The following ACAT1 variants were observed in gnomAD, a reference collection of about 807,000 sequenced individuals.
The protein encoded by ACAT1 is acetyl-CoA acetyltransferase 1.
A neutral mutation model predicts 47.3 loss-of-function variants in ACAT1; 28 were observed. That is an observed-to-expected ratio of 0.59 (90% CI 0.44 to 0.81). The LOEUF (loss-of-function observed/expected upper bound fraction) is 0.81, where lower values mean the gene tolerates loss of function less well. ACAT1 is among the 30% of genes least tolerant of loss of function. ACAT1 has a pLI of 0.00. For synonymous variants in ACAT1, 181 were observed against 173.6 expected, an observed-to-expected ratio of 1.04 and a Z score of -0.34; for missense variants, 469 against 524.3, an observed-to-expected ratio of 0.89 and a Z score of 1.03.
At position 108,140,102 on chromosome 11, in the gene ACAT1, T is replaced by C. The variant is rs2077556425; in HGVS notation, c.617T>C (p.Ile206Thr). 6 of 1,614,012 alleles carry C rather than the reference T, an allele frequency of 3.7e-6. No individual in the cohort carries two copies. Among genetic ancestry groups the C allele is most frequent in the Admixed American group, 1.7e-5 (1 of 60,000 alleles). The part of the protein sequence containing the change: ...CAENTAKKLN[I>T]ARNEQDAYAI... Reference sequence around the variant, plus strand: ...GAGAATACAGCAAAGAAGCTGAATATTGCACGAAATGAACAGGACGCTTAT... The same window carrying C: ...GAGAATACAGCAAAGAAGCTGAATACTGCACGAAATGAACAGGACGCTTAT... Residue 206 changes from isoleucine to threonine, a missense_variant, in exon 7 of 12, where the codon ATT becomes ACT. Ile to Thr is a moderately conservative substitution (Grantham distance 89). Coordinates refer to ENST00000265838, the MANE Select transcript of ACAT1 (RefSeq NM_000019.4).
At chr11:108,142,407 T>C in intron 8 of ACAT1, 30 bp from the exon 9 acceptor site, 1 of 1,536,900 alleles carries the variant, frequency 6.5e-7, no homozygotes, top group Non-Finnish European at 9.0e-7. Context: ...TGAAGGAATG[T>C]TTTGACTTCA....
At chr11:108,126,164 G>C (rs1338375757) in intron 1 of ACAT1, among the ~76,000 whole-genome samples, 1 of 151,940 alleles carries the variant, frequency 6.6e-6, no homozygotes, top group African/African-American at 2.4e-5. Flanking sequence ...CCCCACACCT[G>C]GCTAATTTTT....
chr11:108,134,202 T>A lies in ACAT1; in HGVS notation c.239-19T>A, dbSNP rs1299766584. On this transcript the variant is annotated intron_variant, in intron 3 of 11. Coordinates refer to ENST00000265838, the MANE Select transcript of ACAT1 (RefSeq NM_000019.4). ...AATTGAATTAAATGCCTTTTTGACTTTTTTTTTTTTTAATAAAGGGATTCC... is the reference window on the plus strand; with the variant it reads ...AATTGAATTAAATGCCTTTTTGACTATTTTTTTTTTTAATAAAGGGATTCC... 9.0e-7 allele frequency: 1 copy of A among 1,111,726 alleles called. No homozygotes were observed. Among genetic ancestry groups the A allele is most frequent in the East Asian group, 2.7e-5 (1 of 36,404 alleles). The allele number at this position is 1,111,726 out of a possible 1,614,324, so 68.9% of individuals were successfully genotyped here.
chr11:108,139,240 T>C (rs2077532987), intron 6 of ACAT1, 199 bp downstream of exon 6: 3 of 646,498 alleles, frequency 4.6e-6, no homozygotes, highest in Non-Finnish European at 7.9e-6. Flanking sequence ...CACATTTAAA[T>C]AGGGTAATTT....
At chr11:108,117,057 G>A (rs10890813), upstream of ACAT1, among the ~76,000 whole-genome samples, 41,426 of 151,914 alleles carry the variant, frequency 0.27, 6,877 homozygotes, top group Middle Eastern at 0.53. Flanking sequence ...ATAGATTGGG[G>A]TGATGGGCAG....
chr11:108,117,309 C>CTT (rs1161979278), upstream of ACAT1, among the ~76,000 whole-genome samples: 11 of 137,812 alleles, frequency 8.0e-5, no homozygotes, highest in African/African-American at 1.3e-4. Context: ...CTGTCTCTCT[C>CTT]TTTTTTTTTT....
rs1479086721 is a variant in ACAT1, at chr11:108,146,373, A to G, written c.1163+14A>G. ...ACATCCAATTGGGTAGGTAAAAATAATAACTATATCTAGGTTAAGAGCTGC... is the reference window on the plus strand; with the variant it reads ...ACATCCAATTGGGTAGGTAAAAATAGTAACTATATCTAGGTTAAGAGCTGC... On this transcript the variant is annotated intron_variant, in intron 11 of 11. Coordinates refer to ENST00000265838, the MANE Select transcript of ACAT1 (RefSeq NM_000019.4). 3 of 1,613,160 alleles carry G rather than the reference A, an allele frequency of 1.9e-6. No homozygotes were observed. The highest frequency in any genetic ancestry group is 1.1e-5 in the South Asian group (1 of 91,062).
chr11:108,121,842 C>G (rs2077156375), intron 1 of ACAT1, 164 bp downstream of exon 1: 1 of 687,474 alleles, frequency 1.5e-6, no homozygotes, highest in Non-Finnish European at 2.5e-6. Context: ...CCTAAGTGCT[C>G]CGATAACACC....
Position 108,143,972 on chromosome 11 carries a change from T to C in ACAT1, c.941-11T>C. 1 of 684,212 alleles carries C rather than the reference T, an allele frequency of 1.5e-6. No homozygotes were observed. The highest frequency in any genetic ancestry group is 2.5e-6 in the Non-Finnish European group (1 of 399,062). The allele number at this position is 684,212 out of a possible 1,614,324, so 42.4% of individuals were successfully genotyped here. ...GATTTTAACAACCCCCCCCCCCCTT[T>C]TTTTAAACAGCATTTGCTGACGCTG... On this transcript the variant is annotated splice_polypyrimidine_tract_variant and intron_variant, in intron 9 of 11. Transcript: ENST00000265838.
At position 108,140,206 on chromosome 11, in the gene ACAT1, A is replaced by G. The variant is rs752592672; in HGVS notation, c.721A>G (p.Thr241Ala). The G allele has an allele frequency of 9.9e-6, 16 of 1,614,040 alleles. No homozygotes were observed. The highest frequency in any genetic ancestry group is 1.4e-5 in the Non-Finnish European group (16 of 1,180,020). ...FGNEVIPVTV[T>A]VKGQPDVVVK... is the part of the protein sequence containing the mutation. Reference sequence around the variant, plus strand: ...AAATGAAGTTATTCCTGTCACAGTTACAGTAAAAGGTAGAGATAATGTTCC... The same window carrying G: ...AAATGAAGTTATTCCTGTCACAGTTGCAGTAAAAGGTAGAGATAATGTTCC... Residue 241 changes from threonine to alanine, a missense_variant, in exon 7 of 12, where the codon ACA becomes GCA. By Grantham distance (58) the Thr-to-Ala change is moderately conservative. Coordinates refer to ENST00000265838, the MANE Select transcript of ACAT1 (RefSeq NM_000019.4).
chr11:108,134,151 C>A (rs2077415389), intron 3 of ACAT1, 70 bp from the exon 4 acceptor site: 4 of 1,399,874 alleles, frequency 2.9e-6, no homozygotes, highest in Non-Finnish European at 4.0e-6. Flanking sequence ...ATGTCACCTA[C>A]CTTATTAGGT....
chr11:108,123,146 A>T (rs2077182514), intron 1 of ACAT1, among the ~76,000 whole-genome samples: 1 of 152,120 alleles, frequency 6.6e-6, no homozygotes, highest in Non-Finnish European at 1.5e-5. Context: ...GAGGCAGGAG[A>T]ATCGCTTGAA....
intron 11 of ACAT1, 130 bp downstream of exon 11, chr11:108,146,489 A>ATCTATCAGAAATGG: frequency 1.0e-6 from 1 of 954,516 alleles, no homozygotes; most frequent in Non-Finnish European, 1.6e-6. Context: ...GGCAAAAACC[A>ATCTATCAGAAATGG]TTTCTGATAG....
chr11:108,137,407 T>C (rs936293997), intron 5 of ACAT1, among the ~76,000 whole-genome samples: 2 of 152,136 alleles, frequency 1.3e-5, no homozygotes, highest in Admixed American at 1.3e-4. Context: ...TGCTGAGTTA[T>C]CTAAGGTGCG....
intron 10 of ACAT1, among the ~76,000 whole-genome samples, chr11:108,144,398 C>T (rs571052847): frequency 1.1e-4 from 17 of 152,138 alleles, no homozygotes; most frequent in Non-Finnish European, 2.1e-4. Context: ...TAGTCACTCC[C>T]CAGGAGAGGA....
Position 108,141,369 on chromosome 11 carries a change from CAAAAA to C in ACAT1, c.731-214_731-210del, listed in dbSNP as rs60002941. Among the ~76,000 whole-genome samples the C allele has an allele frequency of 0.17, 12,072 of 69,188 alleles. 837 individuals carry two copies. Among genetic ancestry groups the C allele is most frequent in the Non-Finnish European group, 0.21 (8,330 of 39,340 alleles). The allele number at this position is 69,188 out of a possible 152,430, so 45.4% of individuals were successfully genotyped here. ...TAAGCAGGAGAGGGAAACCCTGCCT[CAAAAA>C]AAAAAAAAAAAAAAAAAAAAATTGT... On this transcript the variant is annotated intron_variant, in intron 7 of 11. Transcript: ENST00000265838.
At position 108,147,551 on chromosome 11, in the gene ACAT1, T is replaced by C; in HGVS notation, c.*161T>C. The C allele has an allele frequency of 1.0e-6, 1 of 995,098 alleles. No homozygotes were observed. Among genetic ancestry groups the C allele is most frequent in the Non-Finnish European group, 1.4e-6 (1 of 694,402 alleles). The allele number at this position is 995,098 out of a possible 1,614,324, so 61.6% of individuals were successfully genotyped here. ...CAAAATGATGAAATCCCAAAACATT[T>C]TGAAATTAAAAATAAATTTCTTCTT... On this transcript the variant is annotated 3_prime_UTR_variant, in exon 12 of 12. Coordinates refer to ENST00000265838, the MANE Select transcript of ACAT1 (RefSeq NM_000019.4).
intron 1 of ACAT1, 161 bp downstream of exon 1, chr11:108,121,839 G>T: frequency 1.4e-6 from 1 of 716,900 alleles, no homozygotes; most frequent in Admixed American, 2.6e-5. Flanking sequence ...CCGCCTAAGT[G>T]CTCCGATAAC....
intron 1 of ACAT1, among the ~76,000 whole-genome samples, chr11:108,125,891 A>G (rs2077238291): frequency 6.7e-6 from 1 of 150,058 alleles, no homozygotes. Context: ...GCGCCACTGC[A>G]CTCCAGTCTG....
Sources: allele counts gnomAD v4.1 joint callset (sites outside exome capture counted in the v4.1 genomes callset), GRCh38; gene constraint gnomAD v4.1.1; transcripts MANE v1.5; gene names NCBI Gene and HGNC (gene_info 2026-07-23, HGNC 2026-07-21).